The following HS3ST4 variants were observed in gnomAD, a reference collection of about 807,000 sequenced individuals.
The protein encoded by HS3ST4 is heparan sulfate-glucosamine 3-sulfotransferase 4.
In HS3ST4, 17 loss-of-function variants were observed where a neutral mutation model predicts 29.2. The observed-to-expected ratio is 0.58, with a 90% CI of 0.40 to 0.87. HS3ST4 has a LOEUF of 0.87. Ranked by LOEUF, HS3ST4 falls within the 40% of genes least tolerant of loss-of-function variation. The probability of loss-of-function intolerance (pLI) is 0.00; values close to 1 mark genes in which losing one functional copy is unlikely to be tolerated. For synonymous variants in HS3ST4, 314 were observed against 285.7 expected (o/e 1.10, Z -1.00); for missense variants, 627 against 634.5 (o/e 0.99, Z 0.13).
intron 1 of HS3ST4, among the ~76,000 whole-genome samples, chr16:25,760,824 T>C (rs995730193): frequency 6.6e-6 from 1 of 152,118 alleles, no homozygotes; most frequent in Non-Finnish European, 1.5e-5. Flanking sequence ...CAATGTTTAT[T>C]TTGTGGGGAG....
At chr16:25,866,957 C>T (rs1431940447) in intron 1 of HS3ST4, among the ~76,000 whole-genome samples, 1 of 152,136 alleles carries the variant, frequency 6.6e-6, no homozygotes, top group Non-Finnish European at 1.5e-5. Flanking sequence ...ATTTCACGGG[C>T]CTCTCCAAGT....
intron 1 of HS3ST4, among the ~76,000 whole-genome samples, chr16:25,864,943 CACAT>C (rs1387538732): frequency 9.5e-6 from 1 of 105,294 alleles, no homozygotes; most frequent in Non-Finnish European, 2.0e-5. Context: ...TATATACACA[CACAT>C]ATATATATAC....
chr16:25,930,823 G>A (rs1183650074), intron 1 of HS3ST4, among the ~76,000 whole-genome samples: 1 of 152,104 alleles, frequency 6.6e-6, no homozygotes, highest in Non-Finnish European at 1.5e-5. Context: ...AAATGTCCGG[G>A]TGCTGGCCCT....
At position 25,799,818 on chromosome 16, in the gene HS3ST4, A is replaced by G. The variant is rs149642162; in HGVS notation, c.734+106667A>G. ...TGTTGATAGTTCTGTCTGTCTGTCTATCTATCTATGTATCTACCCATCTAT... is the reference window on the plus strand; with the variant it reads ...TGTTGATAGTTCTGTCTGTCTGTCTGTCTATCTATGTATCTACCCATCTAT... On this transcript the variant is annotated intron_variant, in intron 1 of 1. Transcript: ENST00000331351. Among the ~76,000 whole-genome samples the G allele has an allele frequency of 2.4e-3, 368 of 152,226 alleles. 3 individuals carry two copies. In the Middle Eastern group the frequency reaches 0.031, roughly 13 times the overall value.
chr16:25,729,260 C>T (rs1046524870), intron 1 of HS3ST4, among the ~76,000 whole-genome samples: 2 of 152,060 alleles, frequency 1.3e-5, no homozygotes, highest in Non-Finnish European at 2.9e-5. Context: ...TGAGACACAG[C>T]GTTTGGAAGA....
chr16:25,744,566 A>C (rs550519869), intron 1 of HS3ST4, among the ~76,000 whole-genome samples: 1 of 152,136 alleles, frequency 6.6e-6, no homozygotes, highest in Non-Finnish European at 1.5e-5. Context: ...CATCATCATC[A>C]TCATCATCAA....
At chr16:26,025,513 G>A (rs1969460820) in intron 1 of HS3ST4, among the ~76,000 whole-genome samples, 1 of 152,200 alleles carries the variant, frequency 6.6e-6, no homozygotes, top group Admixed American at 6.5e-5. Context: ...GTTTGAAACA[G>A]AGTTTAGGTC....
intron 1 of HS3ST4, among the ~76,000 whole-genome samples, chr16:25,948,587 GC>G (rs1340539135): frequency 1.3e-5 from 2 of 152,034 alleles, no homozygotes; most frequent in East Asian, 3.9e-4. Context: ...TCACAATATT[GC>G]CCAGTCTGTA....
At chr16:25,805,696 T>TA (rs892953353) in intron 1 of HS3ST4, among the ~76,000 whole-genome samples, 56 of 152,368 alleles carry the variant, frequency 3.7e-4, no homozygotes, top group African/African-American at 1.3e-3. Context: ...TACTTCTTTT[T>TA]AAAAATTTTT....
chr16:25,852,637 G>T (rs150934369), intron 1 of HS3ST4, among the ~76,000 whole-genome samples: 12 of 148,324 alleles, frequency 8.1e-5, no homozygotes, highest in Middle Eastern at 6.9e-3. Context: ...TCCTATTTCT[G>T]TCATATAGGA....
intron 1 of HS3ST4, among the ~76,000 whole-genome samples, chr16:26,112,430 T>G (rs1899145024): frequency 2.2e-5 from 3 of 139,052 alleles, no homozygotes; most frequent in Non-Finnish European, 4.6e-5. Flanking sequence ...TCACCTGGGC[T>G]GGAGTGCAGT....
At chr16:25,693,735 C>G (rs1343999326) in intron 1 of HS3ST4, among the ~76,000 whole-genome samples, 1 of 152,164 alleles carries the variant, frequency 6.6e-6, no homozygotes, top group African/African-American at 2.4e-5. Context: ...TTTCCATCCC[C>G]CTTGGCTGAA....
intron 1 of HS3ST4, chr16:26,062,716 C>G (rs1898491752): frequency 5.7e-6 from 1 of 175,734 alleles, no homozygotes; most frequent in Non-Finnish European, 1.3e-5. Flanking sequence ...AATGCACGAG[C>G]TCATGTTGAT....
chr16:26,013,261 G>A (rs553043055), intron 1 of HS3ST4, among the ~76,000 whole-genome samples: 10 of 152,178 alleles, frequency 6.6e-5, no homozygotes, highest in Non-Finnish European at 1.5e-5. Flanking sequence ...TAGGGACAAG[G>A]TGCTCAAAAA....
At chr16:26,069,881 T>G in intron 1 of HS3ST4, among the ~76,000 whole-genome samples, 2 of 152,096 alleles carry the variant, frequency 1.3e-5, no homozygotes, top group Non-Finnish European at 2.9e-5. Flanking sequence ...ACAAAGGACA[T>G]GAACTCATCA....
At chr16:25,729,989 T>C (rs1299182341) in intron 1 of HS3ST4, among the ~76,000 whole-genome samples, 2 of 152,228 alleles carry the variant, frequency 1.3e-5, no homozygotes, top group Non-Finnish European at 2.9e-5. Context: ...AAAAAGGGCA[T>C]TATTTAATGC....
chr16:25,918,454 A>T, intron 1 of HS3ST4, among the ~76,000 whole-genome samples: 1 of 152,234 alleles, frequency 6.6e-6, no homozygotes, highest in South Asian at 2.1e-4. Context: ...GTAGCACTAC[A>T]TGGTTAAGCA....
Position 25,762,766 on chromosome 16 carries a change from A to T in HS3ST4, c.734+69615A>T, listed in dbSNP as rs1966796050. Among the ~76,000 whole-genome samples, 3 of 146,054 alleles carry T rather than the reference A, an allele frequency of 2.1e-5. No homozygotes were observed. In the South Asian group the frequency reaches 6.6e-4, roughly 32 times the overall value. On this transcript the variant is annotated intron_variant, in intron 1 of 1. Coordinates refer to ENST00000331351, the MANE Select transcript of HS3ST4 (RefSeq NM_006040.3). ...CCGACGTGTACCTCTAGTCCCAGCT[A>T]CTTGGGATGCTGAGATGGGAGGATC...
intron 1 of HS3ST4, among the ~76,000 whole-genome samples, chr16:25,991,508 A>G (rs886590998): frequency 1.3e-5 from 2 of 152,198 alleles, no homozygotes; most frequent in Non-Finnish European, 2.9e-5. Flanking sequence ...TGAGGATTTT[A>G]TTAGCTTTAT....
Sources: gnomAD v4.1 joint callset for allele counts (sites outside exome capture counted in the v4.1 genomes callset) on GRCh38, gnomAD v4.1.1 for gene constraint, MANE v1.5 for transcripts, NCBI Gene and HGNC (gene_info 2026-07-23, HGNC 2026-07-21) for gene names.